CLSTN2: variants seen among roughly 807,000 people sequenced by gnomAD.
The protein encoded by CLSTN2 is calsyntenin-2.
Under a neutral mutation model 101.2 loss-of-function variants are expected in CLSTN2, and 48 were observed. The observed-to-expected ratio is 0.47, with a 90% CI of 0.38 to 0.60. The LOEUF is 0.60. CLSTN2 is among the 20% of genes least tolerant of loss of function. The pLI, the probability that CLSTN2 is intolerant of heterozygous loss-of-function variation, is 0.00. For missense variants in CLSTN2, 1,160 were observed against 1,238.2 expected (o/e 0.94, Z 0.95); for synonymous variants, 481 against 463.6 (o/e 1.04, Z -0.48).
intron 2 of CLSTN2, among the ~76,000 whole-genome samples, chr3:140,310,283 C>T (rs1207619634): frequency 6.6e-6 from 1 of 151,822 alleles, no homozygotes; most frequent in Non-Finnish European, 1.5e-5. Flanking sequence ...CCCCACCGCA[C>T]CCCCTCCCCG....
At chr3:140,418,684 A>C (rs950827843) in intron 4 of CLSTN2, among the ~76,000 whole-genome samples, 2 of 151,454 alleles carry the variant, frequency 1.3e-5, no homozygotes, top group African/African-American at 4.9e-5. Context: ...CACCCTGCTA[A>C]TTTTTGTAGT....
intron 8 of CLSTN2, among the ~76,000 whole-genome samples, chr3:140,519,400 T>C (rs1377947391): frequency 6.6e-6 from 1 of 152,242 alleles, no homozygotes; most frequent in East Asian, 1.9e-4. Context: ...CTCTGTGATC[T>C]AATATTGGTT....
intron 1 of CLSTN2, among the ~76,000 whole-genome samples, chr3:140,047,524 A>C (rs72981889): frequency 0.068 from 10,321 of 152,206 alleles, 413 homozygotes; most frequent in East Asian, 0.16. Flanking sequence ...TATGTGTCTT[A>C]GTTCATTTTC....
intron 11 of CLSTN2, 30 bp from the exon 12 acceptor site, chr3:140,558,610 T>A: frequency 6.3e-7 from 1 of 1,581,280 alleles, no homozygotes; most frequent in Non-Finnish European, 8.7e-7. Context: ...TGTTTGCTCA[T>A]CAGTGCCATG....
chr3:140,139,703 T>C (rs1427556459), intron 1 of CLSTN2, among the ~76,000 whole-genome samples: 1 of 152,254 alleles, frequency 6.6e-6, no homozygotes. Context: ...TCTACCAGTG[T>C]ATATTGAATG....
At chr3:140,364,965 T>C (rs1311374991) in intron 2 of CLSTN2, among the ~76,000 whole-genome samples, 1 of 152,110 alleles carries the variant, frequency 6.6e-6, no homozygotes, top group African/African-American at 2.4e-5. Flanking sequence ...AGTTTTAACA[T>C]GGTGCAATGC....
intron 1 of CLSTN2, among the ~76,000 whole-genome samples, chr3:139,960,866 T>C (rs770946035): frequency 3.3e-5 from 5 of 152,204 alleles, no homozygotes; most frequent in Non-Finnish European, 7.3e-5. Context: ...TGAAACACAT[T>C]GTTTAGAGGG....
chr3:140,115,257 T>C (rs1173580285), intron 1 of CLSTN2, among the ~76,000 whole-genome samples: 2 of 152,218 alleles, frequency 1.3e-5, no homozygotes, highest in Non-Finnish European at 2.9e-5. Flanking sequence ...TGTCTTTGCC[T>C]TCCTGGTTAC....
chr3:140,304,029 G>A (rs1344886748), intron 2 of CLSTN2, among the ~76,000 whole-genome samples: 1 of 152,064 alleles, frequency 6.6e-6, no homozygotes, highest in African/African-American at 2.4e-5. Flanking sequence ...ACTCATTTGG[G>A]TGGTGGTATG....
intron 1 of CLSTN2, among the ~76,000 whole-genome samples, chr3:140,089,625 T>C (rs2008741891): frequency 6.7e-6 from 1 of 148,954 alleles, no homozygotes; most frequent in Non-Finnish European, 1.5e-5. Context: ...TATTTATTTA[T>C]TTTTGAGACT....
chr3:140,288,897 C>T (rs1381547423), intron 2 of CLSTN2, among the ~76,000 whole-genome samples: 1 of 152,166 alleles, frequency 6.6e-6, no homozygotes, highest in Non-Finnish European at 1.5e-5. Context: ...CCTTCATACC[C>T]ACCTCCCAGT....
chr3:140,039,003 C>T (rs898316649), intron 1 of CLSTN2, among the ~76,000 whole-genome samples: 2 of 152,196 alleles, frequency 1.3e-5, no homozygotes, highest in Admixed American at 6.5e-5. Context: ...TCTGACACCA[C>T]TTACCCCAGA....
At chr3:140,282,562 A>AT (rs1277515064) in intron 2 of CLSTN2, among the ~76,000 whole-genome samples, 2 of 152,208 alleles carry the variant, frequency 1.3e-5, no homozygotes, top group Non-Finnish European at 1.5e-5. Context: ...CTAATTCAGT[A>AT]TTTTTAAAAC....
chr3:140,410,905 A>T (rs1414142667), intron 4 of CLSTN2, among the ~76,000 whole-genome samples: 3 of 152,192 alleles, frequency 2.0e-5, no homozygotes, highest in Non-Finnish European at 2.9e-5. Context: ...TGTAAGCCTC[A>T]GTAACCACAA....
intron 2 of CLSTN2, among the ~76,000 whole-genome samples, chr3:140,219,725 G>C (rs1476426792): frequency 1.3e-5 from 2 of 152,164 alleles, no homozygotes; most frequent in African/African-American, 2.4e-5. Context: ...TAACCACTTA[G>C]CAAGGTAAGT....
intron 10 of CLSTN2, among the ~76,000 whole-genome samples, chr3:140,549,262 GC>G (rs1935663177): frequency 6.8e-6 from 1 of 147,700 alleles, no homozygotes; most frequent in African/African-American, 2.5e-5. Context: ...CAAAAGTCAT[GC>G]CTTTTAAAAA....
At chr3:139,936,928 A>T (rs1935032515) in intron 1 of CLSTN2, among the ~76,000 whole-genome samples, 1 of 152,186 alleles carries the variant, frequency 6.6e-6, no homozygotes, top group Non-Finnish European at 1.5e-5. Flanking sequence ...TTCATGAGAG[A>T]AAAACTCGTT....
intron 1 of CLSTN2, among the ~76,000 whole-genome samples, chr3:140,103,329 T>C (rs1216004974): frequency 2.0e-5 from 3 of 152,218 alleles, no homozygotes; most frequent in Admixed American, 6.5e-5. Flanking sequence ...GAATGAGTGA[T>C]GCACAGCTGA....
chr3:139,992,693 C>G (rs7615121), intron 1 of CLSTN2, among the ~76,000 whole-genome samples: 76,789 of 152,088 alleles, frequency 0.5, 21,787 homozygotes, highest in Non-Finnish European at 0.62. Flanking sequence ...ATTCTAGGAG[C>G]GGACATGGGA....
Sources: allele counts gnomAD v4.1 joint callset (sites outside exome capture counted in the v4.1 genomes callset), GRCh38; gene constraint gnomAD v4.1.1; transcripts MANE v1.5; gene names NCBI Gene and HGNC (gene_info 2026-07-23, HGNC 2026-07-21).